RPS25: variants seen among roughly 807,000 people sequenced by gnomAD.
The protein encoded by RPS25 is small ribosomal subunit protein eS25.
In RPS25, 1 loss-of-function variant was observed where a neutral mutation model predicts 14.4. That is an observed-to-expected ratio of 0.07 (90% CI 0.02 to 0.33). The LOEUF (loss-of-function observed/expected upper bound fraction) is 0.33, where lower values mean the gene tolerates loss of function less well. Ranked by LOEUF, RPS25 falls within the 10% of genes least tolerant of loss-of-function variation. The pLI is 1.00. For synonymous variants in RPS25, 63 were observed against 53.8 expected, an observed-to-expected ratio of 1.17 and a Z score of -0.75; for missense variants, 65 against 144.6, an observed-to-expected ratio of 0.45 and a Z score of 2.82.
At chr11:119,017,834 T>TAA in intron 2 of RPS25, 124 bp downstream of exon 2, 2 of 806,948 alleles carry the variant, frequency 2.5e-6, no homozygotes, top group Middle Eastern at 2.9e-4. Context: ...GACGGGAAGA[T>TAA]AAACTCTCAC....
intron 3 of RPS25, 106 bp from the exon 4 acceptor site, chr11:119,016,045 T>G (rs555956537): frequency 2.9e-6 from 2 of 692,644 alleles, no homozygotes; most frequent in African/African-American, 1.8e-5. Flanking sequence ...CCCACTGCTT[T>G]GGGAGGTGGA....
chr11:119,018,308 A>G lies in RPS25; in HGVS notation c.-24T>C, dbSNP rs199825446. Reference sequence around the variant, plus strand: ...ATTGCGAAGCTCGGAGAATAGCAGCAGACACCGCAGCCTCGTCAAGATGTC... The same window carrying G: ...ATTGCGAAGCTCGGAGAATAGCAGCGGACACCGCAGCCTCGTCAAGATGTC... On this transcript the variant is annotated 5_prime_UTR_variant, in exon 1 of 5. Transcript: ENST00000527673. 438 of 1,614,166 alleles carry G rather than the reference A, an allele frequency of 2.7e-4. No homozygotes were observed. Among genetic ancestry groups the G allele is most frequent in the Non-Finnish European group, 3.4e-4 (398 of 1,180,024 alleles).
chr11:119,017,975 C>T lies in RPS25; in HGVS notation c.82G>A (p.Gly28Ser). ...ATTTCTACCTTCTTTTTGGCCTTGC[C>T]CCCGGATTTGTTCACTGGGTCTTTG... ...KDKDPVNKSG[G>S]KAKKKKWSKG... Residue 28 changes from glycine to serine, a missense_variant, in exon 2 of 5, where the codon GGC (glycine) becomes AGC (serine). Transcript: ENST00000527673. 6.2e-7 allele frequency: 1 copy of T among 1,612,430 alleles called. No homozygotes were observed. Among genetic ancestry groups the T allele is most frequent in the Non-Finnish European group, 8.5e-7 (1 of 1,179,902 alleles).
intron 3 of RPS25, among the ~76,000 whole-genome samples, chr11:119,016,420 AAGAC>A (rs553708913): frequency 6.2e-4 from 94 of 152,140 alleles, no homozygotes; most frequent in South Asian, 2.5e-3. Context: ...GGAAAACAAA[AAGAC>A]AGAGTTCTCT....
chr11:119,017,241 C>T, intron 3 of RPS25, 121 bp downstream of exon 3: 1 of 700,670 alleles, frequency 1.4e-6, no homozygotes, highest in Non-Finnish European at 2.3e-6. Context: ...TTACTAACAG[C>T]CAATGGTCAA....
rs782651177 is a variant in RPS25 at position 119,015,911 on chromosome 11, T to C, written c.312A>G (p.Arg104=). ...TATTTCTGGTGTAAATTACTTGAGC[T>C]CTGTGCTTTGAAACCAGTTTGATAA... ...KGLIKLVSKH[R]AQVIYTRNTK... Residue 104 remains arginine, a synonymous_variant, in exon 4 of 5, where the codon AGA becomes AGG. Transcript: ENST00000527673. 2 of 1,610,420 alleles carry C rather than the reference T, an allele frequency of 1.2e-6. No homozygotes were observed. The highest frequency in any genetic ancestry group is 2.2e-5 in the East Asian group (1 of 44,854).
rs1296152285 is a variant in RPS25, at chr11:119,017,947, C to T, written c.99+11G>A. ...TACCCCTAGTCTCTTTCAGAGAGGT[C>T]TTATTTCTACCTTCTTTTTGGCCTT... is the stretch of plus-strand genomic sequence containing the variant. On this transcript the variant is annotated intron_variant, in intron 2 of 4. Coordinates refer to ENST00000527673, the MANE Select transcript of RPS25 (RefSeq NM_001028.3). 6.2e-7 allele frequency: 1 copy of T among 1,607,040 alleles called. No homozygotes were observed. Among genetic ancestry groups the T allele is most frequent in the South Asian group, 1.1e-5 (1 of 90,826 alleles).
At chr11:119,017,084 G>GGTTGTC (rs1226599558) in intron 3 of RPS25, among the ~76,000 whole-genome samples, 1 of 152,048 alleles carries the variant, frequency 6.6e-6, no homozygotes, top group African/African-American at 2.4e-5. Flanking sequence ...TTTCAAAAAC[G>GGTTGTC]GTTGTCCCTG....
chr11:119,017,908 G>T, intron 2 of RPS25, 50 bp downstream of exon 2: 2 of 1,421,382 alleles, frequency 1.4e-6, no homozygotes, highest in Non-Finnish European at 2.0e-6. Context: ...ATTACTAGAG[G>T]ATTACGAGAG....
At chr11:119,016,424 CAG>C (rs781923230) in intron 3 of RPS25, among the ~76,000 whole-genome samples, 1 of 151,888 alleles carries the variant, frequency 6.6e-6, no homozygotes, top group South Asian at 2.1e-4. Context: ...AACAAAAAGA[CAG>C]AGTTCTCTCA....
intron 3 of RPS25, among the ~76,000 whole-genome samples, chr11:119,016,984 T>A (rs976880270): frequency 6.6e-6 from 1 of 152,204 alleles, no homozygotes; most frequent in Non-Finnish European, 1.5e-5. Flanking sequence ...CGTACTAAAT[T>A]TCTGGTTTTA....
chr11:119,017,211 A>AG (rs1428620693), intron 3 of RPS25, 151 bp downstream of exon 3: 1 of 582,160 alleles, frequency 1.7e-6, no homozygotes, highest in East Asian at 3.0e-5. Context: ...CAGGATCAGG[A>AG]GTAAGACGTC....
At chr11:119,017,680 A>G in intron 2 of RPS25, 135 bp from the exon 3 acceptor site, 1 of 883,046 alleles carries the variant, frequency 1.1e-6, no homozygotes, top group South Asian at 1.8e-5. Context: ...ACAAAAACAA[A>G]AAAAAAACAC....
At position 119,017,495 on chromosome 11, in the gene RPS25, A is replaced by G; in HGVS notation, c.150T>C (p.Phe50=). Reference sequence around the variant, plus strand: ...AGAGTTTATCATAGGTAGCTTTGTCAAACAAGACTAAGTTATTGAGCTTGT... The same window carrying G: ...AGAGTTTATCATAGGTAGCTTTGTCGAACAAGACTAAGTTATTGAGCTTGT... The part of the protein sequence containing the change: ...VRDKLNNLVL[F]DKATYDKLCK... The change falls in exon 3 of 5, where the codon TTT becomes TTC. Residue 50 remains phenylalanine (F), a synonymous_variant. Transcript: ENST00000527673. The G allele has an allele frequency of 6.2e-7, 1 of 1,614,182 alleles. No individual in the cohort carries two copies.
At position 119,015,999 on chromosome 11, in the gene RPS25, G is replaced by C. The variant is rs1943146752; in HGVS notation, c.284-60C>G. The C allele has an allele frequency of 6.3e-6, 7 of 1,117,702 alleles. No homozygotes were observed. In the East Asian group the frequency reaches 1.7e-4, roughly 26 times the overall value. The allele number at this position is 1,117,702 out of a possible 1,614,324, so 69.2% of individuals were successfully genotyped here. ...CAGATGCTACAATAGAAACTAGTAA[G>C]GTTTTTGGCTGGGCGCGGTGGCTCA... On this transcript the variant is annotated intron_variant, in intron 3 of 4. Transcript: ENST00000527673.
chr11:119,016,982 A>C (rs956301484), intron 3 of RPS25, among the ~76,000 whole-genome samples: 2 of 152,130 alleles, frequency 1.3e-5, no homozygotes, highest in East Asian at 1.9e-4. Flanking sequence ...ACCGTACTAA[A>C]TTTCTGGTTT....
intron 1 of RPS25, 99 bp downstream of exon 1, chr11:119,018,183 A>C: frequency 6.3e-7 from 1 of 1,594,336 alleles, no homozygotes; most frequent in Non-Finnish European, 8.6e-7. Flanking sequence ...CCCGCCCTGC[A>C]ACCGAGGCCG....
intron 3 of RPS25, among the ~76,000 whole-genome samples, chr11:119,016,586 G>T (rs141026307): frequency 5.9e-5 from 9 of 151,296 alleles, no homozygotes; most frequent in African/African-American, 2.2e-4. Context: ...AGTTTTTAAC[G>T]ATCATCTATC....
chr11:119,017,259 T>C (rs1477252713), intron 3 of RPS25, 103 bp downstream of exon 3: 3 of 336,350 alleles, frequency 8.9e-6, no homozygotes, highest in Non-Finnish European at 1.4e-5. Flanking sequence ...CAAGCCACGC[T>C]TTTTTTTTTT....
Sources: allele counts gnomAD v4.1 joint callset (sites outside exome capture counted in the v4.1 genomes callset), GRCh38; gene constraint gnomAD v4.1.1; transcripts MANE v1.5; gene names NCBI Gene and HGNC (gene_info 2026-07-23, HGNC 2026-07-21).